Variants in MORN5 observed in about 807,000 individuals in gnomAD.
MORN5 encodes the protein MORN repeat containing 5.
Under a neutral mutation model 22.1 loss-of-function variants are expected in MORN5, and 21 were observed. That is an observed-to-expected ratio of 0.95 (90% confidence interval 0.67 to 1.37). The LOEUF is 1.37. Ranked by LOEUF, MORN5 falls within the 40% of genes most tolerant of loss-of-function variation. The pLI is 0.00. For synonymous variants in MORN5, 73 were observed against 74.0 expected, an observed-to-expected ratio of 0.99 and a Z score of 0.07; for missense variants, 211 against 215.1, an observed-to-expected ratio of 0.98 and a Z score of 0.12.
intron 1 of MORN5, among the ~76,000 whole-genome samples, chr9:122,166,404 A>G (rs1679303548): frequency 6.6e-6 from 1 of 152,016 alleles, no homozygotes; most frequent in Non-Finnish European, 1.5e-5. Flanking sequence ...GGACAGAGAA[A>G]TCACAGAACT....
At chr9:122,178,444 C>T (rs531175865) in intron 4 of MORN5, among the ~76,000 whole-genome samples, 1 of 152,132 alleles carries the variant, frequency 6.6e-6, no homozygotes, top group Non-Finnish European at 1.5e-5. Flanking sequence ...AGCCGAGATC[C>T]GCCACTGCAC....
chr9:122,192,473 C>T (rs1274825576), intron 4 of MORN5, among the ~76,000 whole-genome samples: 1 of 152,236 alleles, frequency 6.6e-6, no homozygotes, highest in Non-Finnish European at 1.5e-5. Context: ...CCTGCGAATC[C>T]TCTGAAGAGC....
chr9:122,187,065 C>G (rs1027122369), intron 4 of MORN5, among the ~76,000 whole-genome samples: 1 of 152,240 alleles, frequency 6.6e-6, no homozygotes, highest in Non-Finnish European at 1.5e-5. Flanking sequence ...ATAGACCCCC[C>G]TTCCAGGGCT....
At chr9:122,179,300 G>A (rs1009048636) in intron 4 of MORN5, among the ~76,000 whole-genome samples, 1 of 152,204 alleles carries the variant, frequency 6.6e-6, no homozygotes, top group African/African-American at 2.4e-5. Flanking sequence ...CTAAGGCAGT[G>A]GGGAGCAAGG....
rs1041010417 is a variant in MORN5 at position 122,197,309 on chromosome 9, G to A, written c.440-2576G>A. Among the ~76,000 whole-genome samples the A allele has an allele frequency of 2.6e-5, 4 of 152,116 alleles. No individual in the cohort carries two copies. The highest frequency in any genetic ancestry group is 7.2e-5 in the African/African-American group (3 of 41,400). Reference sequence around the variant, plus strand: ...CCTCTCCCCCTCCTACCAAAAAAGGGGAGAAATTATCTGAGAAGGTGAAGA... The same window carrying A: ...CCTCTCCCCCTCCTACCAAAAAAGGAGAGAAATTATCTGAGAAGGTGAAGA... On this transcript the variant is annotated intron_variant, in intron 4 of 4. Coordinates refer to ENST00000373764, the MANE Select transcript of MORN5 (RefSeq NM_198469.4). This position sits in a 1 kb window ranked among gnomAD's most constrained non-coding sequence, Gnocchi z 5.7.
chr9:122,168,252 C>G (rs1000479076), intron 2 of MORN5, among the ~76,000 whole-genome samples: 1 of 152,322 alleles, frequency 6.6e-6, no homozygotes, highest in Non-Finnish European at 1.5e-5. Flanking sequence ...TAAATGTTAG[C>G]TCTTATTACC....
chr9:122,171,946 C>CT (rs71371928), intron 3 of MORN5, among the ~76,000 whole-genome samples: 654 of 58,606 alleles, frequency 0.011, 49 homozygotes, highest in East Asian at 0.047. Flanking sequence ...TCACTTCCAT[C>CT]TTTTTTTTTT....
At chr9:122,195,419 A>G (rs1296428304) in intron 4 of MORN5, among the ~76,000 whole-genome samples, 1 of 152,152 alleles carries the variant, frequency 6.6e-6, no homozygotes, top group African/African-American at 2.4e-5. Context: ...GCAGGATCCC[A>G]TCCTGTCTCC....
At chr9:122,190,989 AG>A (rs1564423359) in intron 4 of MORN5, among the ~76,000 whole-genome samples, 2 of 152,212 alleles carry the variant, frequency 1.3e-5, no homozygotes, top group Non-Finnish European at 2.9e-5. Context: ...CCCAGCCTGG[AG>A]TCCTCTGAGG....
intron 4 of MORN5, among the ~76,000 whole-genome samples, chr9:122,188,294 G>A (rs886121179): frequency 2.6e-5 from 4 of 152,352 alleles, no homozygotes; most frequent in South Asian, 4.1e-4. Flanking sequence ...ACTCACATGA[G>A]CTGGGTAAGC....
chr9:122,183,025 C>G (rs1249545240), intron 4 of MORN5, among the ~76,000 whole-genome samples: 1 of 152,148 alleles, frequency 6.6e-6, no homozygotes, highest in African/African-American at 2.4e-5. Flanking sequence ...TATAGTTGTT[C>G]CCCCACCAAG....
chr9:122,188,183 G>C (rs371222600), intron 4 of MORN5, among the ~76,000 whole-genome samples: 1 of 152,190 alleles, frequency 6.6e-6, no homozygotes, highest in Admixed American at 6.5e-5. Context: ...TCCTTCAGAC[G>C]GTGAGGAGTA....
At chr9:122,180,409 C>T (rs1829520121) in intron 4 of MORN5, among the ~76,000 whole-genome samples, 1 of 151,736 alleles carries the variant, frequency 6.6e-6, no homozygotes, top group South Asian at 2.1e-4. Context: ...TGTCAGCCTC[C>T]CGAGTAGCTG....
intron 1 of MORN5, 151 bp downstream of exon 1, chr9:122,160,170 G>A: frequency 1.5e-6 from 1 of 654,560 alleles, no homozygotes; most frequent in Non-Finnish European, 2.7e-6. Context: ...AAGCAGCAAA[G>A]CTAAGATGCA....
chr9:122,184,548 A>G (rs1306435877), intron 4 of MORN5, among the ~76,000 whole-genome samples: 1 of 152,244 alleles, frequency 6.6e-6, no homozygotes. Context: ...AATGGCAGCG[A>G]AGAACTAGAT....
chr9:122,162,649 G>A (rs952486334), intron 1 of MORN5, among the ~76,000 whole-genome samples: 11 of 152,198 alleles, frequency 7.2e-5, no homozygotes, highest in Admixed American at 2.0e-4. Flanking sequence ...ATAAAAAGGA[G>A]TGAACTATTG....
At chr9:122,176,025 G>A (rs1398177451) in intron 4 of MORN5, among the ~76,000 whole-genome samples, 1 of 151,830 alleles carries the variant, frequency 6.6e-6, no homozygotes, top group East Asian at 1.9e-4. Context: ...GGATGAGACA[G>A]GAGAATGGCG....
chr9:122,175,232 G>A (rs1343111462), intron 4 of MORN5, among the ~76,000 whole-genome samples: 1 of 152,190 alleles, frequency 6.6e-6, no homozygotes, highest in Admixed American at 6.5e-5. Context: ...ATAACTGGGA[G>A]TTGACCACAA....
At chr9:122,167,569 G>T (rs1282749112) in intron 2 of MORN5, among the ~76,000 whole-genome samples, 1 of 151,904 alleles carries the variant, frequency 6.6e-6, no homozygotes, top group East Asian at 1.9e-4. Flanking sequence ...TCTCCCTCTA[G>T]ATCTGGAAGG....
Sources: gnomAD v4.1 joint callset for allele counts (sites outside exome capture counted in the v4.1 genomes callset) on GRCh38, gnomAD v4.1.1 for gene constraint, Gnocchi (gnomAD v3.1) non-coding constraint, MANE v1.5 for transcripts, NCBI Gene and HGNC (gene_info 2026-07-23, HGNC 2026-07-21) for gene names.